The following FRMD4A variants were observed in gnomAD, a reference collection of about 807,000 sequenced individuals.
FRMD4A encodes the protein FERM domain containing 4A, also known as FERM domain-containing protein 4A.
A neutral mutation model predicts 129.1 loss-of-function variants in FRMD4A; 29 were observed. That is an observed-to-expected ratio of 0.22 (90% CI 0.17 to 0.31). The LOEUF is 0.31. Ranked by LOEUF, FRMD4A falls within the 10% of genes least tolerant of loss-of-function variation. The probability of loss-of-function intolerance (pLI) is 1.00; values close to 1 mark genes in which losing one functional copy is unlikely to be tolerated. For missense variants in FRMD4A, 1,272 were observed against 1,375.8 expected (o/e 0.92, Z 1.19); for synonymous variants, 634 against 571.6 (o/e 1.11, Z -1.56).
In FRMD4A at chr10:14,099,544, C is replaced by G. The variant is rs76226749; in HGVS notation, c.45+230514G>C. ...CAATCAGCCCTGCAGAACTCCTATACGAAAGTTGGCCCTGTTTATATGTAG... is the reference window on the plus strand; with the variant it reads ...CAATCAGCCCTGCAGAACTCCTATAGGAAAGTTGGCCCTGTTTATATGTAG... On this transcript the variant is annotated intron_variant, in intron 2 of 24. Transcript: ENST00000357447. 2.8e-3 allele frequency among the ~76,000 whole-genome samples: 424 copies of G among 152,210 alleles called. 4 individuals are homozygous for G. The highest frequency in any genetic ancestry group is 9.9e-3 in the African/African-American group (412 of 41,544).
At chr10:13,860,502 G>A (rs1003440332) in intron 2 of FRMD4A, among the ~76,000 whole-genome samples, 3 of 152,144 alleles carry the variant, frequency 2.0e-5, no homozygotes, top group Non-Finnish European at 4.4e-5. Flanking sequence ...TTTCTTTAGA[G>A]GAAATCCTTT....
chr10:13,940,470 T>G (rs1412712448), intron 2 of FRMD4A, among the ~76,000 whole-genome samples: 3 of 152,220 alleles, frequency 2.0e-5, no homozygotes, highest in African/African-American at 7.2e-5. Context: ...TACATTTAAT[T>G]GGATGCCATA....
chr10:14,298,572 T>G (rs1024864836), intron 2 of FRMD4A, among the ~76,000 whole-genome samples: 26 of 152,262 alleles, frequency 1.7e-4, no homozygotes, highest in African/African-American at 6.3e-4. Context: ...TAGATTTTTA[T>G]GTGACATCTC....
chr10:14,251,881 A>C (rs1417013781), intron 2 of FRMD4A, among the ~76,000 whole-genome samples: 2 of 150,172 alleles, frequency 1.3e-5, no homozygotes, highest in African/African-American at 2.5e-5. Context: ...ATGTGTGCAC[A>C]CATGTGCACA....
chr10:13,698,879 A>G (rs913538540), intron 14 of FRMD4A, among the ~76,000 whole-genome samples: 56 of 152,260 alleles, frequency 3.7e-4, no homozygotes, highest in African/African-American at 1.1e-3. Flanking sequence ...GACATCTGTG[A>G]GCATGCCAGG....
chr10:14,114,845 C>A (rs746836439), intron 2 of FRMD4A, among the ~76,000 whole-genome samples: 1 of 152,198 alleles, frequency 6.6e-6, no homozygotes, highest in Non-Finnish European at 1.5e-5. Flanking sequence ...CCCATTTAAG[C>A]TACTGGGATT....
At chr10:14,039,492 A>G (rs932000327) in intron 2 of FRMD4A, among the ~76,000 whole-genome samples, 2 of 150,906 alleles carry the variant, frequency 1.3e-5, no homozygotes, top group African/African-American at 4.9e-5. Context: ...CTATCTATCT[A>G]TCTATCTATC....
At chr10:14,259,030 G>T (rs1475758283) in intron 2 of FRMD4A, among the ~76,000 whole-genome samples, 1 of 152,028 alleles carries the variant, frequency 6.6e-6, no homozygotes, top group Admixed American at 6.6e-5. Flanking sequence ...TACAAAGGGG[G>T]CAAAAGGAAA....
At chr10:13,912,561 C>T (rs1246854187) in intron 2 of FRMD4A, among the ~76,000 whole-genome samples, 3 of 132,046 alleles carry the variant, frequency 2.3e-5, no homozygotes, top group Non-Finnish European at 4.6e-5. Context: ...TGGAGTCTCG[C>T]TCTGTCGCCC....
At chr10:13,768,901 G>A (rs1333319118) in intron 6 of FRMD4A, among the ~76,000 whole-genome samples, 1 of 151,670 alleles carries the variant, frequency 6.6e-6, no homozygotes, top group South Asian at 2.1e-4. Context: ...TATTTCTGCT[G>A]ATGAGTATCT....
At chr10:13,681,808 T>C (rs149591399) in intron 15 of FRMD4A, among the ~76,000 whole-genome samples, 140 of 152,052 alleles carry the variant, frequency 9.2e-4, no homozygotes, top group African/African-American at 3.1e-3. Flanking sequence ...CCCTGTAAAA[T>C]GGGAATGAAA....
At chr10:14,163,984 G>C (rs1426606384) in intron 2 of FRMD4A, among the ~76,000 whole-genome samples, 1 of 152,190 alleles carries the variant, frequency 6.6e-6, no homozygotes, top group Non-Finnish European at 1.5e-5. Flanking sequence ...CCAGCGCCCT[G>C]TGATTCCCTA....
At chr10:13,938,640 A>T (rs2095267144) in intron 2 of FRMD4A, among the ~76,000 whole-genome samples, 1 of 152,200 alleles carries the variant, frequency 6.6e-6, no homozygotes, top group Admixed American at 6.5e-5. Context: ...AATCCTGGCA[A>T]AGCTTTATAC....
rs66980805 is a variant in FRMD4A, at chr10:13,925,566, CTTTTTTTTTTTTTTTTTTTTT to C, written c.46-66675_46-66655del. Among the ~76,000 whole-genome samples, 6 of 61,946 alleles carry C rather than the reference CTTTTTTTTTTTTTTTTTTTTT, an allele frequency of 9.7e-5. No homozygotes were observed. The South Asian group carries it at 2.7e-3, about 28-fold the overall frequency. 40.6% of individuals were successfully genotyped at this position (61,946 alleles called of 152,430 possible). ...TGAAAGTTTCTATTGTAGTGAAACG[CTTTTTTTTTTTTTTTTTTTTT>C]TTTTTTTTTTTTTTGAGATGGAGTC... is the stretch of plus-strand genomic sequence containing the variant. On this transcript the variant is annotated intron_variant, in intron 2 of 24. Coordinates refer to ENST00000357447, the MANE Select transcript of FRMD4A (RefSeq NM_018027.5).
At chr10:13,755,512 C>T (rs1261251916) in intron 8 of FRMD4A, among the ~76,000 whole-genome samples, 1 of 152,146 alleles carries the variant, frequency 6.6e-6, no homozygotes, top group Non-Finnish European at 1.5e-5. Context: ...CCCTGGGCAC[C>T]TAATAACATG....
intron 4 of FRMD4A, among the ~76,000 whole-genome samples, chr10:13,798,093 C>T (rs529579446): frequency 1.3e-5 from 2 of 152,130 alleles, no homozygotes; most frequent in Non-Finnish European, 2.9e-5. Flanking sequence ...TTACCTTGCT[C>T]TGAATATAGG....
At position 14,330,131 on chromosome 10, in the gene FRMD4A, C is replaced by G. The variant is rs1843459444; in HGVS notation, c.-29G>C. ...CTCCGATTCCCATGCACGAATCCTGCTGCCGAGTCAGTCCTCCTGGGCCCC... is the reference window on the plus strand; with the variant it reads ...CTCCGATTCCCATGCACGAATCCTGGTGCCGAGTCAGTCCTCCTGGGCCCC... On this transcript the variant is annotated 5_prime_UTR_variant, in exon 2 of 25. Coordinates refer to ENST00000357447, the MANE Select transcript of FRMD4A (RefSeq NM_018027.5). 6.4e-7 allele frequency: 1 copy of G among 1,551,104 alleles called. No individual in the cohort carries two copies. Among genetic ancestry groups the G allele is most frequent in the African/African-American group, 1.4e-5 (1 of 73,136 alleles).
chr10:13,904,049 A>C (rs1431832366), intron 2 of FRMD4A, among the ~76,000 whole-genome samples: 1 of 152,136 alleles, frequency 6.6e-6, no homozygotes, highest in Non-Finnish European at 1.5e-5. Context: ...ATATCTAAAT[A>C]TCTCTCACAC....
intron 2 of FRMD4A, among the ~76,000 whole-genome samples, chr10:13,863,911 C>CTT (rs1358868119): frequency 1.3e-5 from 2 of 152,166 alleles, no homozygotes; most frequent in East Asian, 3.8e-4. Context: ...AACTTCAGAA[C>CTT]ATTCTGCTGC....
Sources: allele counts gnomAD v4.1 joint callset (sites outside exome capture counted in the v4.1 genomes callset), GRCh38; gene constraint gnomAD v4.1.1; transcripts MANE v1.5; gene names NCBI Gene and HGNC (gene_info 2026-07-23, HGNC 2026-07-21).